Variants in NOL9 observed in about 807,000 individuals in gnomAD.
NOL9 encodes the protein polynucleotide 5'-hydroxyl-kinase NOL9.
Under a neutral mutation model 67.9 loss-of-function variants are expected in NOL9, and 28 were observed. The ratio of observed to expected loss-of-function variants is 0.41; its 90% CI spans 0.31 to 0.57. NOL9 has a LOEUF of 0.57. Ranked by LOEUF, NOL9 falls within the 20% of genes least tolerant of loss-of-function variation. The probability of loss-of-function intolerance (pLI) is 0.25; values close to 1 mark genes in which losing one functional copy is unlikely to be tolerated. For missense variants in NOL9, 777 were observed against 897.0 expected, an observed-to-expected ratio of 0.87 and a Z score of 1.71; for synonymous variants, 356 against 352.2, an observed-to-expected ratio of 1.01 and a Z score of -0.12.
chr1:6,538,319 AACT>A (rs993415136), intron 6 of NOL9, among the ~76,000 whole-genome samples: 17 of 152,304 alleles, frequency 1.1e-4, no homozygotes, highest in Admixed American at 9.2e-4. Flanking sequence ...TAATATAAAG[AACT>A]ACTATTAATA....
rs1330949078 is a variant in NOL9 at position 6,554,485 on chromosome 1, C to T, written c.18G>A (p.Leu6=). Residue 6 remains leucine (L), a synonymous_variant, in exon 1 of 12, where the codon CTG becomes CTA. Coordinates refer to ENST00000377705, the MANE Select transcript of NOL9 (RefSeq NM_024654.5). ...AACGGCAGGAACCCCGCTTTAGCAG[C>T]AGTCCCGAGTCCGCCATGCTGGGTC... is the stretch of plus-strand genomic sequence containing the variant. The part of the protein sequence containing the change: MADSG[L]LLKRGSCRST... The T allele has an allele frequency of 6.5e-7, 1 of 1,543,480 alleles. No homozygotes were observed. Among genetic ancestry groups the T allele is most frequent in the East Asian group, 2.7e-5 (1 of 37,540 alleles).
chr1:6,543,254 G>A (rs1216460459), intron 5 of NOL9, among the ~76,000 whole-genome samples: 5 of 151,120 alleles, frequency 3.3e-5, no homozygotes, highest in Admixed American at 6.6e-5. Flanking sequence ...GGAGTGCAGC[G>A]GCACCATCTC....
chr1:6,534,351 G>A (rs1238415371), intron 6 of NOL9, among the ~76,000 whole-genome samples: 1 of 152,180 alleles, frequency 6.6e-6, no homozygotes, highest in Non-Finnish European at 1.5e-5. Context: ...TCCTAATCAT[G>A]ACATATCTCC....
intron 6 of NOL9, among the ~76,000 whole-genome samples, chr1:6,537,191 G>C (rs751116921): frequency 1.3e-5 from 2 of 151,676 alleles, no homozygotes; most frequent in Non-Finnish European, 2.9e-5. Flanking sequence ...GGTTATCCAC[G>C]GGGAGAAGAA....
At chr1:6,548,514 T>C (rs868647763) in intron 3 of NOL9, 6 of 274,750 alleles carry the variant, frequency 2.2e-5, no homozygotes, top group Admixed American at 1.1e-4. Context: ...GGTGGTTCCA[T>C]GCGTGCTAAA....
intron 10 of NOL9, among the ~76,000 whole-genome samples, 173 bp from the exon 11 acceptor site, chr1:6,527,002 C>G (rs1638900393): frequency 6.6e-6 from 1 of 151,956 alleles, no homozygotes. Context: ...TCCCAGCACT[C>G]TGGGAGGCCG....
chr1:6,545,710 G>GCCCATGAGCACA (rs70981384), intron 3 of NOL9, among the ~76,000 whole-genome samples: 121,994 of 151,920 alleles, frequency 0.8, 49,889 homozygotes, highest in Non-Finnish European at 0.87. Flanking sequence ...GAAGGGCCCC[G>GCCCATGAGCACA]TCCTCTTGCA....
intron 6 of NOL9, among the ~76,000 whole-genome samples, chr1:6,535,172 T>A (rs978247080): frequency 6.6e-6 from 1 of 152,152 alleles, no homozygotes; most frequent in African/African-American, 2.4e-5. Context: ...CATACACATA[T>A]ACATATGTAT....
intron 3 of NOL9, among the ~76,000 whole-genome samples, chr1:6,546,671 CA>C (rs1282275711): frequency 6.6e-6 from 1 of 152,182 alleles, no homozygotes; most frequent in Non-Finnish European, 1.5e-5. Context: ...TACATAGTTC[CA>C]GCAGCCTCTC....
chr1:6,553,893 G>C (rs1163890435), intron 1 of NOL9, among the ~76,000 whole-genome samples: 1 of 152,114 alleles, frequency 6.6e-6, no homozygotes, highest in Non-Finnish European at 1.5e-5. Context: ...CCTTTAGCTC[G>C]TAAGGCCTAG....
At chr1:6,544,382 A>G (rs1570073485) in intron 5 of NOL9, among the ~76,000 whole-genome samples, 4 of 152,278 alleles carry the variant, frequency 2.6e-5, no homozygotes, top group Admixed American at 2.0e-4. Context: ...TTAGCCAGGC[A>G]TGGTGGCCCA....
intron 3 of NOL9, among the ~76,000 whole-genome samples, chr1:6,546,912 T>C (rs1252307884): frequency 1.3e-5 from 2 of 152,230 alleles, no homozygotes. Context: ...CTTGACCCCA[T>C]TCCAATCAGG....
chr1:6,522,882 T>G lies in NOL9; in HGVS notation c.*2972A>C, dbSNP rs1264244898. The G allele has an allele frequency of 1.3e-4, 1 of 7,466 alleles. No individual in the cohort carries two copies. Among genetic ancestry groups the G allele is most frequent in the Non-Finnish European group, 2.8e-4 (1 of 3,572 alleles). The allele number at this position is 7,466 out of a possible 1,614,324, so 0.5% of individuals were successfully genotyped here. On this transcript the variant is annotated 3_prime_UTR_variant, in exon 12 of 12. Coordinates refer to ENST00000377705, the MANE Select transcript of NOL9 (RefSeq NM_024654.5). The stretch of plus-strand genomic sequence containing the variant: ...CTGGGCGACAGAGCTAGACTCTGTC[T>G]CAAAAAAAAAAAAAAAAAAGAAATT...
intron 8 of NOL9, 82 bp downstream of exon 8, chr1:6,532,381 C>T: frequency 7.6e-7 from 1 of 1,323,738 alleles, no homozygotes. Flanking sequence ...TTAGAGGACT[C>T]AGGCCTTTAG....
At position 6,523,398 on chromosome 1, in the gene NOL9, G is replaced by A. The variant is rs1638812986; in HGVS notation, c.*2456C>T. ...AGTTCAAAACCAGCCTGGCCAACAT[G>A]GTGAAACCCCTTCTCTACTAAAAAT... is the stretch of plus-strand genomic sequence containing the variant. On this transcript the variant is annotated 3_prime_UTR_variant, in exon 12 of 12. Transcript: ENST00000377705. 1 of 150,928 alleles carries A rather than the reference G, an allele frequency of 6.6e-6. No individual in the cohort carries two copies. The highest frequency in any genetic ancestry group is 2.4e-5 in the African/African-American group (1 of 41,036). 9.3% of individuals were successfully genotyped at this position (150,928 alleles called of 1,614,324 possible). A position where few individuals can be genotyped will look rare whatever the true frequency, so the allele number is the denominator to read the frequency against.
At chr1:6,541,074 T>A (rs1455095169) in intron 6 of NOL9, 2 of 138,000 alleles carry the variant, frequency 1.4e-5, no homozygotes, top group Admixed American at 1.6e-4. Flanking sequence ...TGGAGTGCAG[T>A]GGAATGATCT....
At chr1:6,535,449 A>G (rs1428725694) in intron 6 of NOL9, among the ~76,000 whole-genome samples, 5 of 152,226 alleles carry the variant, frequency 3.3e-5, no homozygotes, top group Admixed American at 6.5e-5. Flanking sequence ...CAGGGTCAGT[A>G]CAGCTGGAGA....
At chr1:6,528,631 G>A (rs1240751977) in intron 10 of NOL9, among the ~76,000 whole-genome samples, 7 of 152,234 alleles carry the variant, frequency 4.6e-5, no homozygotes, top group Non-Finnish European at 4.4e-5. Flanking sequence ...GATGCACACT[G>A]ACAAGATGGG....
intron 1 of NOL9, among the ~76,000 whole-genome samples, chr1:6,552,731 A>G (rs1238084906): frequency 6.6e-6 from 1 of 152,100 alleles, no homozygotes; most frequent in Non-Finnish European, 1.5e-5. Context: ...CAGCCTCCAA[A>G]AGTGCTGGGA....
Sources: allele counts gnomAD v4.1 joint callset (sites outside exome capture counted in the v4.1 genomes callset), GRCh38; gene constraint gnomAD v4.1.1; transcripts MANE v1.5; gene names NCBI Gene and HGNC (gene_info 2026-07-23, HGNC 2026-07-21).